The following LOC128462377 variants were observed in gnomAD, a reference collection of about 807,000 sequenced individuals.
the LOC128462377 span, among the ~76,000 whole-genome samples, chr16:89,376,936 G>C: frequency 6.6e-6 from 1 of 152,218 alleles, no homozygotes; most frequent in African/African-American, 2.4e-5. Flanking sequence ...GCCTACCTCA[G>C]AACCTTGAAG....
chr16:89,384,514 G>A, the LOC128462377 span, among the ~76,000 whole-genome samples: 1 of 149,238 alleles, frequency 6.7e-6, no homozygotes, highest in South Asian at 2.1e-4. Context: ...AGGATGGGAC[G>A]ACATGGAACA....
the LOC128462377 span, among the ~76,000 whole-genome samples, chr16:89,350,899 G>T: frequency 6.6e-6 from 1 of 152,122 alleles, no homozygotes; most frequent in African/African-American, 2.4e-5. Flanking sequence ...ACTGTGTTAC[G>T]ATTTCTTTCC....
the LOC128462377 span, among the ~76,000 whole-genome samples, chr16:89,413,973 C>T: frequency 6.6e-6 from 1 of 152,070 alleles, no homozygotes; most frequent in African/African-American, 2.4e-5. Context: ...CAACAGCAAG[C>T]GGAGGGGGCT....
At chr16:89,356,055 T>C in the LOC128462377 span, among the ~76,000 whole-genome samples, 1 of 152,186 alleles carries the variant, frequency 6.6e-6, no homozygotes, top group Non-Finnish European at 1.5e-5. Flanking sequence ...CACTCCAGCC[T>C]GGGCACTGGA....
At chr16:89,398,547 T>C in the LOC128462377 span, among the ~76,000 whole-genome samples, 4 of 152,044 alleles carry the variant, frequency 2.6e-5, no homozygotes, top group African/African-American at 7.2e-5. Context: ...GGAGACCCCA[T>C]CTCTTAAAAA....
chr16:89,317,078 G>C, the LOC128462377 span: 1 of 1,537,262 alleles, frequency 6.5e-7, no homozygotes, highest in South Asian at 1.2e-5. Flanking sequence ...TCAACCGTCT[G>C]CTTCAAAAGA....
At chr16:89,351,836 G>A in the LOC128462377 span, among the ~76,000 whole-genome samples, 6 of 152,334 alleles carry the variant, frequency 3.9e-5, no homozygotes, top group South Asian at 2.1e-4. Flanking sequence ...GAACAGACCC[G>A]TGAATACACT....
At chr16:89,395,213 T>G in the LOC128462377 span, among the ~76,000 whole-genome samples, 1 of 152,216 alleles carries the variant, frequency 6.6e-6, no homozygotes, top group Admixed American at 6.5e-5. Flanking sequence ...GGCAGCGTCT[T>G]AACAGAAAGA....
chr16:89,405,254 G>A, the LOC128462377 span, among the ~76,000 whole-genome samples: 1 of 152,156 alleles, frequency 6.6e-6, no homozygotes, highest in South Asian at 2.1e-4. Flanking sequence ...GTCTGTTGTG[G>A]AACAAAATGC....
At chr16:89,329,765 C>T in the LOC128462377 span, among the ~76,000 whole-genome samples, 2 of 152,124 alleles carry the variant, frequency 1.3e-5, no homozygotes, top group East Asian at 3.9e-4. Flanking sequence ...TCCCAGCAGT[C>T]TGGGAGGCCC....
At chr16:89,378,153 C>G in the LOC128462377 span, among the ~76,000 whole-genome samples, 1 of 152,098 alleles carries the variant, frequency 6.6e-6, no homozygotes, top group African/African-American at 2.4e-5. Context: ...AGTTTGAGAC[C>G]AGCCTGGGCA....
At chr16:89,391,406 G>C in the LOC128462377 span, among the ~76,000 whole-genome samples, 1 of 152,112 alleles carries the variant, frequency 6.6e-6, no homozygotes, top group Non-Finnish European at 1.5e-5. Flanking sequence ...TCTCCAGGTA[G>C]ACAGTGTCCA....
the LOC128462377 span, among the ~76,000 whole-genome samples, chr16:89,375,678 C>G: frequency 2.6e-5 from 4 of 150,970 alleles, no homozygotes; most frequent in Non-Finnish European, 4.4e-5. Context: ...TGGTCTCAAG[C>G]TCCTGACCTC....
chr16:89,348,613 C>T, the LOC128462377 span, among the ~76,000 whole-genome samples: 1 of 152,168 alleles, frequency 6.6e-6, no homozygotes, highest in Non-Finnish European at 1.5e-5. Flanking sequence ...ACTAAAATTT[C>T]AATTTCTTTA....
chr16:89,418,020 A>G, the LOC128462377 span, among the ~76,000 whole-genome samples: 1 of 152,248 alleles, frequency 6.6e-6, no homozygotes, highest in African/African-American at 2.4e-5. Flanking sequence ...AACTTCTTTT[A>G]TAGGCTATTA....
At chr16:89,411,825 T>A in the LOC128462377 span, among the ~76,000 whole-genome samples, 1 of 152,264 alleles carries the variant, frequency 6.6e-6, no homozygotes, top group African/African-American at 2.4e-5. Context: ...AGACTAGAAT[T>A]CTCAGCAGAA....
chr16:89,349,710 C>G, the LOC128462377 span, among the ~76,000 whole-genome samples: 1 of 152,084 alleles, frequency 6.6e-6, no homozygotes, highest in Non-Finnish European at 1.5e-5. Flanking sequence ...AAAACTTGCT[C>G]TACGATGCTG....
chr16:89,397,697 C>A, the LOC128462377 span, among the ~76,000 whole-genome samples: 1 of 152,238 alleles, frequency 6.6e-6, no homozygotes, highest in Non-Finnish European at 1.5e-5. Context: ...TGGATGCTGA[C>A]CCGGTACTGC....
At chr16:89,376,001 CCAG>C in the LOC128462377 span, among the ~76,000 whole-genome samples, 1 of 152,156 alleles carries the variant, frequency 6.6e-6, no homozygotes, top group Non-Finnish European at 1.5e-5. Context: ...ATCGATAAAT[CCAG>C]CAGAAGGGCC....
Sources: allele counts gnomAD v4.1 joint callset (sites outside exome capture counted in the v4.1 genomes callset), GRCh38; gene constraint gnomAD v4.1.1; transcripts MANE v1.5.